CDYL2: variants seen among roughly 807,000 people sequenced by gnomAD.
CDYL2 encodes chromodomain Y like 2, also known as chromodomain Y-like protein 2.
Under a neutral mutation model 49.4 loss-of-function variants are expected in CDYL2, and 23 were observed. The observed-to-expected ratio is 0.47, with a 90% confidence interval of 0.34 to 0.66. The LOEUF is 0.66. Among genes scored for constraint, CDYL2 ranks in the 30% least tolerant of loss-of-function variants. The pLI is 0.01. For missense variants in CDYL2, 678 were observed against 656.4 expected (o/e 1.03, Z -0.36); for synonymous variants, 360 against 268.8 (o/e 1.34, Z -3.32).
intron 3 of CDYL2, among the ~76,000 whole-genome samples, chr16:80,631,637 T>C (rs1452997492): frequency 6.6e-6 from 1 of 152,204 alleles, no homozygotes; most frequent in East Asian, 1.9e-4. Flanking sequence ...AGAACATATT[T>C]TCAAGTCAAG....
chr16:80,794,090 G>A (rs537372457), intron 1 of CDYL2, among the ~76,000 whole-genome samples: 6 of 152,158 alleles, frequency 3.9e-5, no homozygotes, highest in Non-Finnish European at 7.3e-5. Context: ...TCTGTTTCAT[G>A]TAGAAAAACC....
At chr16:80,764,055 C>T (rs1005260103) in intron 1 of CDYL2, among the ~76,000 whole-genome samples, 1 of 151,648 alleles carries the variant, frequency 6.6e-6, no homozygotes, top group Non-Finnish European at 1.5e-5. Context: ...ATCCAAAGGA[C>T]AAGACAAAAA....
rs148875989 is a variant in CDYL2 at position 80,675,769 on chromosome 16, T to C, written c.616+8769A>G. Among the ~76,000 whole-genome samples, 7 of 152,144 alleles carry C rather than the reference T, an allele frequency of 4.6e-5. No homozygotes were observed. The East Asian group carries it at 1.4e-3, about 29-fold the overall frequency. On this transcript the variant is annotated intron_variant, in intron 2 of 6. Transcript: ENST00000570137. ...ACATTAGGAGGTGAAGTTTTATTAT[T>C]GTTTTGGAGCCCTCTACAGACACTG...
intron 1 of CDYL2, among the ~76,000 whole-genome samples, chr16:80,746,746 G>A (rs926391675): frequency 1.3e-5 from 2 of 152,130 alleles, no homozygotes; most frequent in African/African-American, 2.4e-5. Flanking sequence ...GGCTGCAGGA[G>A]GTTCTCCAGC....
Position 80,752,012 on chromosome 16 carries a change from A to C in CDYL2, c.24+52138T>G, listed in dbSNP as rs573967871. 1.1e-4 allele frequency among the ~76,000 whole-genome samples: 17 copies of C among 152,354 alleles called. 1 individual carries two copies. The South Asian group carries it at 3.5e-3, about 32-fold the overall frequency. On this transcript the variant is annotated intron_variant, in intron 1 of 6. Coordinates refer to ENST00000570137, the MANE Select transcript of CDYL2 (RefSeq NM_152342.4). ...ACACCAAGAAGCAGGACCAAGTGTC[A>C]AAATAAATCCACAGAAGATATAAAT...
At chr16:80,641,381 A>G (rs1216817149) in intron 2 of CDYL2, among the ~76,000 whole-genome samples, 1 of 152,218 alleles carries the variant, frequency 6.6e-6, no homozygotes, top group South Asian at 2.1e-4. Flanking sequence ...CTAGTATAGT[A>G]TATCTGGTGA....
At chr16:80,670,722 G>A (rs748045602) in intron 2 of CDYL2, among the ~76,000 whole-genome samples, 2 of 152,042 alleles carry the variant, frequency 1.3e-5, no homozygotes, top group South Asian at 2.1e-4. Flanking sequence ...CCAGGGTCTC[G>A]ATTTTCTTTC....
intron 1 of CDYL2, among the ~76,000 whole-genome samples, chr16:80,705,005 T>A (rs1330578805): frequency 2.0e-5 from 3 of 152,200 alleles, no homozygotes; most frequent in Non-Finnish European, 4.4e-5. Context: ...GAGCTAGACC[T>A]CACTAGGTGA....
chr16:80,745,928 C>T (rs1219483117), intron 1 of CDYL2, among the ~76,000 whole-genome samples: 3 of 152,130 alleles, frequency 2.0e-5, no homozygotes, highest in East Asian at 1.9e-4. Context: ...CACGTGGCCG[C>T]GACCCAACTA....
At chr16:80,653,355 C>T (rs1329585045) in intron 2 of CDYL2, among the ~76,000 whole-genome samples, 1 of 152,156 alleles carries the variant, frequency 6.6e-6, no homozygotes, top group Non-Finnish European at 1.5e-5. Flanking sequence ...ATCCCAGCTA[C>T]TTGGAAGTCT....
chr16:80,758,604 A>G (rs543598168), intron 1 of CDYL2, among the ~76,000 whole-genome samples: 3,420 of 141,542 alleles, frequency 0.024, 64 homozygotes, highest in Non-Finnish European at 0.03. Flanking sequence ...GGGCAGTGGC[A>G]CGATCTCCGC....
intron 1 of CDYL2, among the ~76,000 whole-genome samples, chr16:80,699,200 T>C (rs1904288725): frequency 6.6e-6 from 1 of 152,242 alleles, no homozygotes; most frequent in Admixed American, 6.5e-5. Context: ...AAGATATACC[T>C]GTACTCTCAT....
intron 2 of CDYL2, among the ~76,000 whole-genome samples, chr16:80,665,348 T>C (rs1216092867): frequency 2.6e-5 from 4 of 151,966 alleles, no homozygotes; most frequent in Non-Finnish European, 5.9e-5. Context: ...GGCTCTTTCC[T>C]CAGTTCTTCC....
chr16:80,719,465 C>G (rs560023549), intron 1 of CDYL2, among the ~76,000 whole-genome samples: 1 of 152,314 alleles, frequency 6.6e-6, no homozygotes, highest in Non-Finnish European at 1.5e-5. Context: ...TTTTAATTTT[C>G]TACATCATCA....
At chr16:80,730,322 A>G (rs564368235) in intron 1 of CDYL2, among the ~76,000 whole-genome samples, 35 of 151,978 alleles carry the variant, frequency 2.3e-4, no homozygotes, top group Non-Finnish European at 3.8e-4. Flanking sequence ...TGCTACAAAC[A>G]CCTCTACGCA....
chr16:80,626,989 T>G (rs916811735), intron 3 of CDYL2, among the ~76,000 whole-genome samples: 1 of 152,082 alleles, frequency 6.6e-6, no homozygotes, highest in Non-Finnish European at 1.5e-5. Context: ...ATGATTTAAA[T>G]CTCATGCTAA....
At position 80,598,263 on chromosome 16, in the gene CDYL2, T is replaced by C. The variant is rs1485176183; in HGVS notation, c.*6125A>G. 6.6e-6 allele frequency: 1 copy of C among 152,116 alleles called. No homozygotes were observed. The highest frequency in any genetic ancestry group is 1.5e-5 in the Non-Finnish European group (1 of 68,018). The allele number at this position is 152,116 out of a possible 1,614,324, so 9.4% of individuals were successfully genotyped here. On this transcript the variant is annotated 3_prime_UTR_variant, in exon 7 of 7. Coordinates refer to ENST00000570137, the MANE Select transcript of CDYL2 (RefSeq NM_152342.4). ...AACAAGTAGCCTAATTTTGCAAAGG[T>C]CTCGGTGGATTTTGGTGTATGCTAC...
intron 2 of CDYL2, among the ~76,000 whole-genome samples, chr16:80,635,785 G>A (rs1907793787): frequency 6.6e-6 from 1 of 152,150 alleles, no homozygotes; most frequent in African/African-American, 2.4e-5. Context: ...AACAAAGCTG[G>A]AGGCATCATG....
chr16:80,688,343 T>C (rs976125762), intron 1 of CDYL2, among the ~76,000 whole-genome samples: 7 of 152,174 alleles, frequency 4.6e-5, no homozygotes, highest in African/African-American at 1.7e-4. Flanking sequence ...GGCTCTGTCA[T>C]TTTCTATCTG....
Sources: allele counts gnomAD v4.1 joint callset (sites outside exome capture counted in the v4.1 genomes callset), GRCh38; gene constraint gnomAD v4.1.1; transcripts MANE v1.5; gene names NCBI Gene and HGNC (gene_info 2026-07-23, HGNC 2026-07-21).